EPB41L4A: variants seen among roughly 807,000 people sequenced by gnomAD.
The protein encoded by EPB41L4A is erythrocyte membrane protein band 4.1 like 4A.
EPB41L4A carries 100 observed loss-of-function variants against 108.6 expected under a neutral mutation model. The ratio of observed to expected loss-of-function variants is 0.92; its 90% CI spans 0.78 to 1.09. The LOEUF (loss-of-function observed/expected upper bound fraction) is 1.09, where lower values mean the gene tolerates loss of function less well. Among genes scored for constraint, EPB41L4A ranks in the 50% least tolerant of loss-of-function variants. The pLI, the probability that EPB41L4A is intolerant of heterozygous loss-of-function variation, is 0.00. For missense variants in EPB41L4A, 1,030 were observed against 842.7 expected, an observed-to-expected ratio of 1.22 and a Z score of -2.75; for synonymous variants, 319 against 289.0, an observed-to-expected ratio of 1.10 and a Z score of -1.05.
At chr5:112,231,892 G>A (rs1426666919) in intron 12 of EPB41L4A, among the ~76,000 whole-genome samples, 1 of 150,558 alleles carries the variant, frequency 6.6e-6, no homozygotes. Flanking sequence ...AGGATTGCTT[G>A]AGGCTGGGAG....
intron 12 of EPB41L4A, among the ~76,000 whole-genome samples, chr5:112,153,944 T>A (rs1317773579): frequency 6.6e-6 from 1 of 152,050 alleles, no homozygotes; most frequent in East Asian, 1.9e-4. Flanking sequence ...TAAAAATGTA[T>A]CTCTAAATAA....
intron 1 of EPB41L4A, among the ~76,000 whole-genome samples, chr5:112,356,311 T>C (rs75569264): frequency 0.021 from 3,192 of 152,226 alleles, 104 homozygotes; most frequent in African/African-American, 0.073. Flanking sequence ...GTTAATACTA[T>C]CATCAAAAAC....
chr5:112,166,977 A>G (rs1437033301), intron 22 of EPB41L4A, among the ~76,000 whole-genome samples: 1 of 152,236 alleles, frequency 6.6e-6, no homozygotes, highest in Admixed American at 6.5e-5. Context: ...GCTTAGAATC[A>G]GTGCCACTGA....
chr5:112,397,447 T>C (rs1207238376), intron 1 of EPB41L4A, among the ~76,000 whole-genome samples: 5 of 152,198 alleles, frequency 3.3e-5, no homozygotes, highest in African/African-American at 7.2e-5. Flanking sequence ...CTTAGTGCTG[T>C]GTTTGATGCT....
intron 8 of EPB41L4A, among the ~76,000 whole-genome samples, chr5:112,259,627 G>A (rs1390174433): frequency 2.0e-5 from 3 of 152,156 alleles, no homozygotes; most frequent in African/African-American, 7.2e-5. Flanking sequence ...TGGATCCACA[G>A]CCCACCAGCA....
chr5:112,408,066 G>A (rs888746546), intron 1 of EPB41L4A, among the ~76,000 whole-genome samples: 67 of 152,302 alleles, frequency 4.4e-4, no homozygotes, highest in African/African-American at 1.6e-3. Flanking sequence ...TAGTCATGTA[G>A]ATCAATGGGA....
chr5:112,188,065 T>C (rs1761513492), intron 17 of EPB41L4A, among the ~76,000 whole-genome samples: 2 of 152,198 alleles, frequency 1.3e-5, no homozygotes. Context: ...TGAAAGAAAC[T>C]TACACTCTTC....
chr5:112,332,122 C>G (rs574010453), intron 1 of EPB41L4A, among the ~76,000 whole-genome samples: 1 of 152,352 alleles, frequency 6.6e-6, no homozygotes, highest in Non-Finnish European at 1.5e-5. Flanking sequence ...CCTCTATCCT[C>G]AAGGAGGGAG....
chr5:112,272,689 G>A (rs550710596), intron 4 of EPB41L4A, among the ~76,000 whole-genome samples: 3 of 144,814 alleles, frequency 2.1e-5, no homozygotes, highest in Admixed American at 7.2e-5. Flanking sequence ...GCTAAGGCAG[G>A]AGAATCACTT....
At chr5:112,245,002 G>C (rs2150393716) in intron 9 of EPB41L4A, among the ~76,000 whole-genome samples, 1 of 152,000 alleles carries the variant, frequency 6.6e-6, no homozygotes, top group South Asian at 2.1e-4. Context: ...CACGAAGTGA[G>C]CATGTGCTTT....
chr5:112,275,208 G>A lies in EPB41L4A; in HGVS notation c.335+118C>T, dbSNP rs763820500. On this transcript the variant is annotated intron_variant, in intron 4 of 22. Coordinates refer to ENST00000261486, the MANE Select transcript of EPB41L4A (RefSeq NM_022140.5). ...TAAATTTTACCCTCTAAGGAGATGC[G>A]TTACAAAATGCAGGTAGACACACAT... 234 of 1,272,610 alleles carry A rather than the reference G, an allele frequency of 1.8e-4. 2 individuals are homozygous for A. The highest frequency in any genetic ancestry group is 1.7e-3 in the Middle Eastern group (9 of 5,186). 78.8% of individuals were successfully genotyped at this position (1,272,610 alleles called of 1,614,324 possible).
chr5:112,262,516 C>A lies in EPB41L4A; in HGVS notation c.620G>T (p.Gly207Val), dbSNP rs1561520830. 6.2e-7 allele frequency: 1 copy of A among 1,613,924 alleles called. No homozygotes were observed. Among genetic ancestry groups the A allele is most frequent in the South Asian group, 1.1e-5 (1 of 91,064 alleles). ...CACATAGACGGGATGGAGGTCAACG[C>A]CATACATCTCCAGGGATTTGGCAGT... is the stretch of plus-strand genomic sequence containing the variant. The part of the protein sequence containing the change: ...LRTAKSLEMY[G>V]VDLHPVYGEN... The change falls in exon 7 of 23, where the codon GGC becomes GTC. Residue 207 changes from glycine (G) to valine (V), a missense_variant. Gly to Val is a moderately radical substitution (Grantham distance 109). Transcript: ENST00000261486.
chr5:112,312,756 T>C (rs1755130268), intron 1 of EPB41L4A, among the ~76,000 whole-genome samples: 3 of 152,320 alleles, frequency 2.0e-5, no homozygotes, highest in Middle Eastern at 3.4e-3. Context: ...CAATCAGTAT[T>C]CCATTGTTAT....
At chr5:112,368,082 C>T (rs1759249625) in intron 1 of EPB41L4A, among the ~76,000 whole-genome samples, 2 of 152,306 alleles carry the variant, frequency 1.3e-5, no homozygotes, top group South Asian at 2.1e-4. Flanking sequence ...ATAAAGCTTA[C>T]AATACAAAAT....
At chr5:112,169,864 C>G (rs1056635555) in intron 20 of EPB41L4A, 1 of 178,412 alleles carries the variant, frequency 5.6e-6, no homozygotes, top group African/African-American at 2.4e-5. Context: ...GGTACGGTTC[C>G]TCTTACACTG....
At chr5:112,254,172 C>T (rs903672733) in intron 9 of EPB41L4A, among the ~76,000 whole-genome samples, 4 of 152,224 alleles carry the variant, frequency 2.6e-5, no homozygotes, top group Non-Finnish European at 4.4e-5. Context: ...AGTGTGCTTA[C>T]TACATGCCAA....
chr5:112,343,141 G>T (rs1757424506), intron 1 of EPB41L4A, among the ~76,000 whole-genome samples: 1 of 152,116 alleles, frequency 6.6e-6, no homozygotes, highest in Admixed American at 6.6e-5. Context: ...TTTACATTAA[G>T]GGTTCTCAAG....
intron 12 of EPB41L4A, among the ~76,000 whole-genome samples, chr5:112,224,642 C>T (rs563863909): frequency 3.0e-4 from 46 of 152,254 alleles, no homozygotes; most frequent in Admixed American, 5.9e-4. Context: ...ACAACTTTCA[C>T]ACTCTTTTTT....
chr5:112,280,156 A>G (rs1752874326), intron 3 of EPB41L4A, 116 bp downstream of exon 3: 3 of 824,840 alleles, frequency 3.6e-6, no homozygotes, highest in Admixed American at 3.7e-5. Flanking sequence ...CTGGTACTCA[A>G]GTACTAGTAT....
Sources: allele counts gnomAD v4.1 joint callset (sites outside exome capture counted in the v4.1 genomes callset), GRCh38; gene constraint gnomAD v4.1.1; transcripts MANE v1.5; gene names NCBI Gene and HGNC (gene_info 2026-07-23, HGNC 2026-07-21).